The following FILIP1 variants were observed in gnomAD, a reference collection of about 807,000 sequenced individuals.
FILIP1 encodes filamin-A-interacting protein 1.
A neutral mutation model predicts 102.1 loss-of-function variants in FILIP1; 61 were observed. The observed-to-expected ratio is 0.60, with a 90% confidence interval of 0.49 to 0.74. FILIP1 has a LOEUF of 0.74. Among genes scored for constraint, FILIP1 ranks in the 30% least tolerant of loss-of-function variants. The pLI, the probability that FILIP1 is intolerant of heterozygous loss-of-function variation, is 0.00. For synonymous variants in FILIP1, 491 were observed against 526.9 expected, an observed-to-expected ratio of 0.93 and a Z score of 0.93; for missense variants, 1,314 against 1,441.2, an observed-to-expected ratio of 0.91 and a Z score of 1.43.
At chr6:75,403,509 T>G (rs1776729986) in intron 2 of FILIP1, among the ~76,000 whole-genome samples, 1 of 20,592 alleles carries the variant, frequency 4.9e-5, no homozygotes, top group Admixed American at 3.9e-4. Context: ...CAAGACTCTG[T>G]CCCACAAAAA....
chr6:75,295,770 TAA>T, exon 7 of FILIP1: 1 of 472,770 alleles, frequency 2.1e-6, no homozygotes, highest in Non-Finnish European at 3.4e-6. Context: ...ATTATATCCT[TAA>T]AAAAAAATCA....
intron 1 of FILIP1, chr6:75,465,352 A>T: frequency 2.3e-6 from 1 of 433,312 alleles, no homozygotes; most frequent in South Asian, 2.6e-5. Context: ...CTAAATAACC[A>T]GAAGCAGCCC....
intron 1 of FILIP1, among the ~76,000 whole-genome samples, chr6:75,486,215 T>C (rs999509643): frequency 6.6e-6 from 1 of 152,168 alleles, no homozygotes; most frequent in Non-Finnish European, 1.5e-5. Context: ...GCCCCAACAG[T>C]GTCAAAGGAG....
intron 2 of FILIP1, among the ~76,000 whole-genome samples, chr6:75,364,062 A>G (rs1775251993): frequency 6.6e-6 from 1 of 152,200 alleles, no homozygotes; most frequent in Non-Finnish European, 1.5e-5. Flanking sequence ...TTGGTCTCCA[A>G]ATTAATCTAA....
chr6:75,468,427 T>A (rs917504771), intron 1 of FILIP1, among the ~76,000 whole-genome samples: 1 of 152,186 alleles, frequency 6.6e-6, no homozygotes, highest in Non-Finnish European at 1.5e-5. Context: ...TGAGAGGATA[T>A]TAAATCCACA....
rs1773303981 is a variant in FILIP1 at position 75,313,704 on chromosome 6, A to G, written c.2128T>C (p.Phe710Leu). The G allele has an allele frequency of 6.4e-7, 1 of 1,562,978 alleles. No homozygotes were observed. The highest frequency in any genetic ancestry group is 1.4e-5 in the African/African-American group (1 of 72,788). ...VSQEAELRHR[F>L]RLEEAKSRDL... ...CGACTTTTAGCTTCTTCCAACCGAAATCTGTGTCTCAGTTCAGCTTCCTGG... is the reference window on the plus strand; with the variant it reads ...CGACTTTTAGCTTCTTCCAACCGAAGTCTGTGTCTCAGTTCAGCTTCCTGG... Residue 710 changes from phenylalanine (F) to leucine (L), a missense_variant, in exon 5 of 6, where the codon TTT becomes CTT. Physicochemically the swap from Phe to Leu is conservative, Grantham distance 22. Coordinates refer to ENST00000237172, the MANE Select transcript of FILIP1 (RefSeq NM_015687.5). This position sits in a 1 kb window ranked among gnomAD's most constrained non-coding sequence, Gnocchi z 4.2.
At chr6:75,361,601 T>G (rs949015880) in intron 3 of FILIP1, among the ~76,000 whole-genome samples, 6 of 152,234 alleles carry the variant, frequency 3.9e-5, no homozygotes, top group African/African-American at 1.4e-4. Context: ...AACTAATACT[T>G]GCTGAGTACT....
intron 1 of FILIP1, among the ~76,000 whole-genome samples, chr6:75,450,655 A>G (rs2149734584): frequency 6.8e-6 from 1 of 147,700 alleles, no homozygotes; most frequent in African/African-American, 2.4e-5. Context: ...TAAAAAAGAA[A>G]AAAAAAAAAA....
intron 4 of FILIP1, among the ~76,000 whole-genome samples, chr6:75,349,398 G>C (rs1279522658): frequency 6.6e-6 from 1 of 151,922 alleles, no homozygotes; most frequent in Non-Finnish European, 1.5e-5. Flanking sequence ...GCCTGGAATG[G>C]AGACAGCCTG....
intron 2 of FILIP1, among the ~76,000 whole-genome samples, chr6:75,381,284 C>CAGTA (rs1775897794): frequency 6.6e-6 from 1 of 151,774 alleles, no homozygotes; most frequent in African/African-American, 2.4e-5. Flanking sequence ...AGATAGAGTG[C>CAGTA]AGTAGCTTGA....
chr6:75,332,372 A>T (rs1774112256), intron 4 of FILIP1, among the ~76,000 whole-genome samples: 1 of 152,302 alleles, frequency 6.6e-6, no homozygotes, highest in East Asian at 1.9e-4. Flanking sequence ...TAATGTGTAT[A>T]ATCAGCCAGG....
At chr6:75,384,289 G>T (rs1420703551) in intron 2 of FILIP1, among the ~76,000 whole-genome samples, 1 of 152,172 alleles carries the variant, frequency 6.6e-6, no homozygotes, top group Non-Finnish European at 1.5e-5. Flanking sequence ...TATGTCTGTA[G>T]TAATTAAATC....
intron 1 of FILIP1, among the ~76,000 whole-genome samples, chr6:75,441,388 A>T (rs1778217302): frequency 6.6e-6 from 1 of 152,084 alleles, no homozygotes; most frequent in Admixed American, 6.5e-5. Flanking sequence ...TTCTTTCTAC[A>T]CAGACACGGC....
chr6:75,372,675 A>AAGAG (rs1243846620), intron 2 of FILIP1, among the ~76,000 whole-genome samples: 14 of 60,412 alleles, frequency 2.3e-4, no homozygotes, highest in African/African-American at 1.3e-3. Context: ...GAAAGAAAGA[A>AAGAG]AGAAAGAAAG....
chr6:75,448,965 C>G (rs1248497354), intron 1 of FILIP1, among the ~76,000 whole-genome samples: 1 of 152,134 alleles, frequency 6.6e-6, no homozygotes, highest in Non-Finnish European at 1.5e-5. Context: ...TTCAGTAATT[C>G]CACTACTGGG....
chr6:75,332,428 T>C (rs990946563), intron 4 of FILIP1, among the ~76,000 whole-genome samples: 29 of 152,190 alleles, frequency 1.9e-4, no homozygotes, highest in Non-Finnish European at 3.2e-4. Context: ...GGAAAAGCCA[T>C]GAACCATACA....
intron 6 of FILIP1, chr6:75,296,477 T>G (rs1772681771): frequency 1.2e-5 from 1 of 82,492 alleles, no homozygotes; most frequent in Non-Finnish European, 2.5e-5. Flanking sequence ...TCTATATGTT[T>G]ATTATTATTA....
At chr6:75,308,997 A>T (rs1483061324) in intron 5 of FILIP1, 100 bp from the exon 6 acceptor site, 3 of 1,270,714 alleles carry the variant, frequency 2.4e-6, no homozygotes, top group African/African-American at 2.9e-5. Flanking sequence ...CCACACAGGA[A>T]CACCCACAGA....
chr6:75,372,367 C>CAAA (rs1224463218), intron 2 of FILIP1, among the ~76,000 whole-genome samples: 1 of 48,968 alleles, frequency 2.0e-5, no homozygotes, highest in Non-Finnish European at 4.5e-5. Context: ...AACTCTGTCT[C>CAAA]AAAAAAAAAA....
Sources: gnomAD v4.1 joint callset for allele counts (sites outside exome capture counted in the v4.1 genomes callset) on GRCh38, gnomAD v4.1.1 for gene constraint, Gnocchi (gnomAD v3.1) non-coding constraint, MANE v1.5 for transcripts, NCBI Gene and HGNC (gene_info 2026-07-23, HGNC 2026-07-21) for gene names.